MACROD2: variants seen among roughly 807,000 people sequenced by gnomAD.
The protein encoded by MACROD2 is ADP-ribose glycohydrolase MACROD2.
In MACROD2, 36 loss-of-function variants were observed where a neutral mutation model predicts 70.4. The observed-to-expected ratio is 0.51, with a 90% CI of 0.39 to 0.68. The LOEUF is 0.68. MACROD2 is among the 30% of genes least tolerant of loss of function. The probability of loss-of-function intolerance (pLI) is 0.00; values close to 1 mark genes in which losing one functional copy is unlikely to be tolerated. For synonymous variants in MACROD2, 172 were observed against 178.8 expected (o/e 0.96, Z 0.30); for missense variants, 496 against 538.4 (o/e 0.92, Z 0.78).
intron 1 of MACROD2, among the ~76,000 whole-genome samples, chr20:13,997,347 C>T (rs2052677347): frequency 6.6e-6 from 1 of 151,976 alleles, no homozygotes; most frequent in Non-Finnish European, 1.5e-5. Context: ...AAGGATTTGC[C>T]TTGTGAGCAC....
chr20:15,959,373 C>T (rs1255883902), intron 12 of MACROD2, among the ~76,000 whole-genome samples: 2 of 152,134 alleles, frequency 1.3e-5, no homozygotes, highest in African/African-American at 4.8e-5. Flanking sequence ...CAGGCTGTTT[C>T]GTCTTTAATT....
rs199589127 is a variant in MACROD2 at position 15,461,002 on chromosome 20, A to ATTTT, written c.571+29568_571+29569insTTTT. 8.4e-4 allele frequency among the ~76,000 whole-genome samples: 42 copies of ATTTT among 50,252 alleles called. 1 individual carries two copies. Among genetic ancestry groups the ATTTT allele is most frequent in the Admixed American group, 1.9e-3 (8 of 4,160 alleles). The allele number at this position is 50,252 out of a possible 152,430, so 33.0% of individuals were successfully genotyped here. On this transcript the variant is annotated intron_variant, in intron 7 of 17. Coordinates refer to ENST00000684519, the MANE Select transcript of MACROD2 (RefSeq NM_001351661.2). ...CATATATATATATATATATATATAT[A>ATTTT]TATATTTTTTTTTAATAGATGGGGT...
At chr20:14,769,266 A>G (rs1241815934) in intron 5 of MACROD2, among the ~76,000 whole-genome samples, 5 of 152,242 alleles carry the variant, frequency 3.3e-5, no homozygotes, top group South Asian at 2.1e-4. Context: ...TCTTTAGTGT[A>G]AAGAGGTATT....
intron 6 of MACROD2, among the ~76,000 whole-genome samples, chr20:15,246,970 T>C (rs1406335069): frequency 6.6e-6 from 1 of 152,176 alleles, no homozygotes; most frequent in African/African-American, 2.4e-5. Flanking sequence ...CCTGATTCCA[T>C]TTATCTGCAT....
At chr20:14,243,785 A>C (rs376400652) in intron 3 of MACROD2, among the ~76,000 whole-genome samples, 3 of 152,222 alleles carry the variant, frequency 2.0e-5, no homozygotes, top group East Asian at 3.8e-4. Context: ...GACACCTGAC[A>C]ATATATTATA....
chr20:14,141,621 C>G (rs1421301440), intron 3 of MACROD2, among the ~76,000 whole-genome samples: 1 of 151,456 alleles, frequency 6.6e-6, no homozygotes, highest in Non-Finnish European at 1.5e-5. Flanking sequence ...GGCACATGCC[C>G]GTAATCCCAG....
At chr20:15,098,078 A>G (rs377256) in intron 5 of MACROD2, among the ~76,000 whole-genome samples, 50,763 of 152,042 alleles carry the variant, frequency 0.33, 10,486 homozygotes, top group Non-Finnish European at 0.46. Context: ...CAGCAGAACC[A>G]GTATGCCCCT....
intron 5 of MACROD2, among the ~76,000 whole-genome samples, chr20:15,092,062 C>CACCAAATG (rs2075796852): frequency 6.6e-6 from 1 of 152,126 alleles, no homozygotes; most frequent in Admixed American, 6.6e-5. Flanking sequence ...TTTACATTCA[C>CACCAAATG]ACTAAAGTCA....
At chr20:15,560,762 C>CAAAAAAAAAAAAAAAAAAAAAAAAAA (rs71190190) in intron 8 of MACROD2, among the ~76,000 whole-genome samples, 4 of 22,084 alleles carry the variant, frequency 1.8e-4, no homozygotes, top group Non-Finnish European at 2.9e-4. Context: ...AACAAAGTCT[C>CAAAAAAAAAAAAAAAAAAAAAAAAAA]AAAAAAAAAA....
At chr20:15,601,536 G>A (rs974052663) in intron 8 of MACROD2, among the ~76,000 whole-genome samples, 6 of 152,112 alleles carry the variant, frequency 3.9e-5, no homozygotes, top group Non-Finnish European at 8.8e-5. Flanking sequence ...ATGTTTATTG[G>A]ATGTTGACAC....
chr20:15,591,586 TAAAAAAAAAAAAAAAA>T (rs11471295), intron 8 of MACROD2, among the ~76,000 whole-genome samples: 1 of 65,112 alleles, frequency 1.5e-5, no homozygotes, highest in Non-Finnish European at 2.6e-5. Flanking sequence ...AAGCCAGTAC[TAAAAAAAAAAAAAAAA>T]AAAAAAAAAA....
intron 5 of MACROD2, among the ~76,000 whole-genome samples, chr20:14,969,284 T>C (rs1014791485): frequency 6.6e-6 from 1 of 151,924 alleles, no homozygotes; most frequent in African/African-American, 2.4e-5. Flanking sequence ...CCTTTTGTTA[T>C]CTATATCTTA....
At chr20:14,492,916 TAAATA>T (rs2084810890) in intron 3 of MACROD2, among the ~76,000 whole-genome samples, 1 of 152,092 alleles carries the variant, frequency 6.6e-6, no homozygotes, top group Non-Finnish European at 1.5e-5. Flanking sequence ...GCGGGGTTAA[TAAATA>T]AATAGGTAAG....
intron 6 of MACROD2, among the ~76,000 whole-genome samples, chr20:15,317,511 A>G (rs962510804): frequency 4.7e-5 from 7 of 148,164 alleles, no homozygotes; most frequent in Admixed American, 2.0e-4. Context: ...CTATCTATCT[A>G]TCTATCTATC....
At chr20:14,557,250 A>G (rs1979094825) in intron 4 of MACROD2, among the ~76,000 whole-genome samples, 1 of 152,002 alleles carries the variant, frequency 6.6e-6, no homozygotes, top group South Asian at 2.1e-4. Context: ...ATCTAAGTGG[A>G]AGAACTAAAG....
At chr20:15,076,858 A>G (rs2075662102) in intron 5 of MACROD2, among the ~76,000 whole-genome samples, 1 of 152,224 alleles carries the variant, frequency 6.6e-6, no homozygotes, top group African/African-American at 2.4e-5. Context: ...GAAATCAAAG[A>G]GTAAATGAAT....
intron 6 of MACROD2, among the ~76,000 whole-genome samples, chr20:15,238,895 C>T (rs1197397627): frequency 1.3e-5 from 2 of 152,066 alleles, no homozygotes; most frequent in South Asian, 2.1e-4. Flanking sequence ...GAAATACTGG[C>T]CTAGCACACT....
chr20:14,941,847 G>A (rs994657243), intron 5 of MACROD2, among the ~76,000 whole-genome samples: 7 of 151,112 alleles, frequency 4.6e-5, no homozygotes, highest in African/African-American at 1.2e-4. Context: ...GTAGTGGTGC[G>A]ACCATGGCTC....
intron 15 of MACROD2, among the ~76,000 whole-genome samples, chr20:16,000,047 C>T (rs182915161): frequency 1.3e-5 from 2 of 152,296 alleles, no homozygotes; most frequent in South Asian, 2.1e-4. Flanking sequence ...AGTTATCGCA[C>T]TCTGTCAGCC....
Sources: gnomAD v4.1 joint callset for allele counts (sites outside exome capture counted in the v4.1 genomes callset) on GRCh38, gnomAD v4.1.1 for gene constraint, MANE v1.5 for transcripts, NCBI Gene and HGNC (gene_info 2026-07-23, HGNC 2026-07-21) for gene names.